Variants in NIBAN2 observed in about 807,000 individuals in gnomAD.
The protein encoded by NIBAN2 is niban apoptosis regulator 2, also known as protein Niban 2.
Under a neutral mutation model 81.8 loss-of-function variants are expected in NIBAN2, and 36 were observed. The observed-to-expected ratio is 0.44, with a 90% CI of 0.34 to 0.58. The LOEUF (loss-of-function observed/expected upper bound fraction) is 0.58, where lower values mean the gene tolerates loss of function less well. NIBAN2 is among the 20% of genes least tolerant of loss of function. The pLI is 0.02. For synonymous variants in NIBAN2, 445 were observed against 441.6 expected (o/e 1.01, Z -0.10); for missense variants, 897 against 1,014.1 (o/e 0.88, Z 1.57).
Position 127,568,975 on chromosome 9 carries a change from TC to T in NIBAN2, c.-102del, listed in dbSNP as rs879910816. 1.8e-5 allele frequency: 20 copies of T among 1,090,608 alleles called. No homozygotes were observed. The highest frequency in any genetic ancestry group is 2.5e-5 in the African/African-American group (1 of 40,764). The allele number at this position is 1,090,608 out of a possible 1,614,324, so 67.6% of individuals were successfully genotyped here. A position where few individuals can be genotyped will look rare whatever the true frequency, so the allele number is the denominator to read the frequency against. On this transcript the variant is annotated 5_prime_UTR_variant, in exon 1 of 14. Coordinates refer to ENST00000373312, the MANE Select transcript of NIBAN2 (RefSeq NM_022833.4). Reference sequence around the variant, plus strand: ...GCCATGGAGCCCGGCCCGCCCTGCTTCCCCCGCTCCCGCCGCTCCCGCCGCT... The same window carrying T: ...GCCATGGAGCCCGGCCCGCCCTGCTTCCCCGCTCCCGCCGCTCCCGCCGCT...
chr9:127,529,601 C>A (rs1306589118), intron 2 of NIBAN2, among the ~76,000 whole-genome samples: 4 of 152,202 alleles, frequency 2.6e-5, no homozygotes, highest in Admixed American at 1.3e-4. Context: ...GACTGTGCCA[C>A]TGCACTCCAG....
At chr9:127,532,339 G>A (rs1244750307) in intron 1 of NIBAN2, among the ~76,000 whole-genome samples, 1 of 152,210 alleles carries the variant, frequency 6.6e-6, no homozygotes, top group African/African-American at 2.4e-5. Flanking sequence ...CAGGCATGGT[G>A]GCTCCCAGAA....
intron 1 of NIBAN2, among the ~76,000 whole-genome samples, chr9:127,547,663 C>A (rs1045967731): frequency 6.6e-6 from 1 of 151,818 alleles, no homozygotes; most frequent in Non-Finnish European, 1.5e-5. Context: ...CATGGAGAAA[C>A]CCTGCCTCTA....
intron 1 of NIBAN2, among the ~76,000 whole-genome samples, chr9:127,566,878 G>A (rs1460714589): frequency 2.7e-5 from 4 of 147,234 alleles, no homozygotes; most frequent in Non-Finnish European, 6.0e-5. Flanking sequence ...AGGCTTCCCC[G>A]CTGCCCCCTT....
chr9:127,538,469 C>T (rs578252323), intron 1 of NIBAN2, among the ~76,000 whole-genome samples: 2 of 152,124 alleles, frequency 1.3e-5, no homozygotes, highest in Admixed American at 6.5e-5. Flanking sequence ...TATTTAGAAA[C>T]GCAGTTGTGT....
upstream of NIBAN2, among the ~76,000 whole-genome samples, chr9:127,573,861 T>C (rs902620326): frequency 6.6e-6 from 1 of 152,184 alleles, no homozygotes; most frequent in African/African-American, 2.4e-5. Flanking sequence ...TTTTGCTATG[T>C]TGGCCAGGCT....
intron 1 of NIBAN2, among the ~76,000 whole-genome samples, chr9:127,548,731 G>A (rs1374045924): frequency 2.0e-5 from 3 of 152,158 alleles, no homozygotes; most frequent in Admixed American, 6.5e-5. Context: ...AAGCTGTGAC[G>A]GGCTAAGTAC....
intron 1 of NIBAN2, among the ~76,000 whole-genome samples, chr9:127,540,910 G>A (rs1837366409): frequency 6.6e-6 from 1 of 152,248 alleles, no homozygotes; most frequent in African/African-American, 2.4e-5. Context: ...TCAGGGCTGA[G>A]AGGTTTGCCG....
At position 127,525,193 on chromosome 9, in the gene NIBAN2, G is replaced by T. The variant is rs3765601; in HGVS notation, c.316-30C>A. 4,935 of 1,578,492 alleles carry T rather than the reference G, an allele frequency of 3.1e-3. 60 individuals carry two copies. The East Asian group carries it at 0.044, about 14-fold the overall frequency. ...GGGAGGCAAGAGAGAGGGTCCCTGAGGGTTAAGGTGCGGCCAAGCCCAAAT... is the reference window on the plus strand; with the variant it reads ...GGGAGGCAAGAGAGAGGGTCCCTGATGGTTAAGGTGCGGCCAAGCCCAAAT... On this transcript the variant is annotated intron_variant, in intron 3 of 13. Transcript: ENST00000373312.
At chr9:127,523,626 A>C in intron 5 of NIBAN2, 53 bp downstream of exon 5, 1 of 1,568,600 alleles carries the variant, frequency 6.4e-7, no homozygotes, top group Non-Finnish European at 8.7e-7. Flanking sequence ...ATTCAGCAAT[A>C]ACCCAGGTCC....
At chr9:127,558,017 G>A (rs1371743188) in intron 1 of NIBAN2, among the ~76,000 whole-genome samples, 1 of 151,732 alleles carries the variant, frequency 6.6e-6, no homozygotes, top group African/African-American at 2.4e-5. Context: ...TAGGGGGTCA[G>A]CCCCTACCTC....
At chr9:127,552,520 T>C (rs1465576926) in intron 1 of NIBAN2, among the ~76,000 whole-genome samples, 2 of 151,960 alleles carry the variant, frequency 1.3e-5, no homozygotes, top group East Asian at 1.9e-4. Flanking sequence ...GAGGCTGCAA[T>C]TGGCCATGAT....
At chr9:127,514,707 G>A (rs1222684692) in intron 8 of NIBAN2, among the ~76,000 whole-genome samples, 1 of 152,186 alleles carries the variant, frequency 6.6e-6, no homozygotes, top group African/African-American at 2.4e-5. Flanking sequence ...TTTGGGTGGG[G>A]ACCATCTCCA....
Position 127,526,234 on chromosome 9 carries a change from T to C in NIBAN2, c.315+960A>G, listed in dbSNP as rs1032251319. The stretch of plus-strand genomic sequence containing the variant: ...GGCCAACATGGTGAAAACCAGTCTC[T>C]ACTAAAAATACAAAAATTAGCTGGG... On this transcript the variant is annotated intron_variant, in intron 3 of 13. Coordinates refer to ENST00000373312, the MANE Select transcript of NIBAN2 (RefSeq NM_022833.4). Among the ~76,000 whole-genome samples, 4 of 151,952 alleles carry C rather than the reference T, an allele frequency of 2.6e-5. No individual in the cohort carries two copies. The East Asian group carries it at 5.8e-4, about 22-fold the overall frequency.
chr9:127,562,063 C>T (rs962210755), intron 1 of NIBAN2, among the ~76,000 whole-genome samples: 24 of 152,150 alleles, frequency 1.6e-4, no homozygotes, highest in African/African-American at 4.8e-4. Flanking sequence ...AGGAGGGGGG[C>T]GCAGGGACGG....
intron 2 of NIBAN2, among the ~76,000 whole-genome samples, chr9:127,529,633 C>T (rs1837141925): frequency 6.6e-6 from 1 of 152,146 alleles, no homozygotes; most frequent in Non-Finnish European, 1.5e-5. Flanking sequence ...GAGTGAGACT[C>T]TGAAAAAGCA....
exon 1 of NIBAN2, chr9:127,578,936 A>G: frequency 6.2e-7 from 1 of 1,610,528 alleles, no homozygotes; most frequent in East Asian, 2.3e-5. Flanking sequence ...CATCCACCCC[A>G]TCCTCCAGAG....
intron 1 of NIBAN2, among the ~76,000 whole-genome samples, chr9:127,575,321 T>C (rs1203046490): frequency 6.8e-6 from 1 of 146,774 alleles, no homozygotes; most frequent in African/African-American, 2.5e-5. Context: ...CTCAGCCTCC[T>C]GGGTTCAAGC....
At chr9:127,522,600 G>T (rs1456244560) in intron 5 of NIBAN2, among the ~76,000 whole-genome samples, 2 of 151,932 alleles carry the variant, frequency 1.3e-5, no homozygotes, top group African/African-American at 4.8e-5. Flanking sequence ...CCCATTTCAG[G>T]TCACCCCCTC....
Sources: gnomAD v4.1 joint callset for allele counts (sites outside exome capture counted in the v4.1 genomes callset) on GRCh38, gnomAD v4.1.1 for gene constraint, MANE v1.5 for transcripts, NCBI Gene and HGNC (gene_info 2026-07-23, HGNC 2026-07-21) for gene names.